DYRK2: variants seen among roughly 807,000 people sequenced by gnomAD.
The protein encoded by DYRK2 is dual specificity tyrosine-phosphorylation-regulated kinase 2.
Under a neutral mutation model 41.6 loss-of-function variants are expected in DYRK2, and 12 were observed. The observed-to-expected ratio is 0.29, with a 90% CI of 0.18 to 0.47. DYRK2 has a LOEUF of 0.47. DYRK2 is among the 20% of genes least tolerant of loss of function. DYRK2 has a pLI of 1.00. For synonymous variants in DYRK2, 322 were observed against 315.7 expected, an observed-to-expected ratio of 1.02 and a Z score of -0.21; for missense variants, 678 against 798.4, an observed-to-expected ratio of 0.85 and a Z score of 1.82.
chr12:67,663,674 G>T lies in DYRK2; in HGVS notation c.*4961G>T, dbSNP rs1872679358. ...ATTATGTACAAAATTGAAAATTGGT[G>T]CTAAAGTGGCAATGTCAATTTAAAA... is the stretch of plus-strand genomic sequence containing the variant. On this transcript the variant is annotated 3_prime_UTR_variant, in exon 3 of 3. Coordinates refer to ENST00000344096, the MANE Select transcript of DYRK2 (RefSeq NM_006482.3). 6.6e-6 allele frequency: 1 copy of T among 152,166 alleles called. No individual in the cohort carries two copies. Among genetic ancestry groups the T allele is most frequent in the South Asian group, 2.1e-4 (1 of 4,828 alleles). 9.4% of individuals were successfully genotyped at this position (152,166 alleles called of 1,614,324 possible).
chr12:67,649,184 TA>T lies in DYRK2; in HGVS notation c.49+4del. The T allele has an allele frequency of 6.7e-7, 1 of 1,501,922 alleles. No individual in the cohort carries two copies. The highest frequency in any genetic ancestry group is 8.9e-7 in the Non-Finnish European group (1 of 1,119,994). The allele number at this position is 1,501,922 out of a possible 1,614,324, so 93.0% of individuals were successfully genotyped here. ...CCGCTCCCGCCGCCTACCCGACCGG[TA>T]AGGAGGCCGTGCCGCCGCGCCGCAT... is the stretch of plus-strand genomic sequence containing the variant. On this transcript the variant is annotated splice_donor_region_variant and intron_variant, in intron 1 of 2. Transcript: ENST00000344096.
chr12:67,650,977 C>A (rs1014564475), intron 2 of DYRK2, among the ~76,000 whole-genome samples: 1 of 152,188 alleles, frequency 6.6e-6, no homozygotes, highest in Non-Finnish European at 1.5e-5. Flanking sequence ...TATGGGGAAA[C>A]TTGTTTGTCA....
At position 67,657,811 on chromosome 12, in the gene DYRK2, G is replaced by C. The variant is rs758682432; in HGVS notation, c.904G>C (p.Glu302Gln). ...TFRNHICMTF[E>Q]LLSMNLYELI... is the part of the protein sequence containing the mutation. ...CCGCAACCACATCTGCATGACGTTT[G>C]AGCTGCTGAGCATGAACCTCTATGA... The change falls in exon 3 of 3, where the codon GAG becomes CAG. Residue 302 changes from glutamate to glutamine, a missense_variant. This residue lies in a region of DYRK2 where 393 missense variants were observed against 519.1 expected (regional missense o/e 0.76). Coordinates refer to ENST00000344096, the MANE Select transcript of DYRK2 (RefSeq NM_006482.3). This position sits in a 1 kb window ranked among gnomAD's most constrained non-coding sequence, Gnocchi z 4.8. 2.5e-6 allele frequency: 4 copies of C among 1,614,208 alleles called. No homozygotes were observed. The highest frequency in any genetic ancestry group is 3.4e-6 in the Non-Finnish European group (4 of 1,180,042).
chr12:67,659,971 T>C lies in DYRK2; in HGVS notation c.*1258T>C, dbSNP rs1872579857. 6.0e-6 allele frequency: 1 copy of C among 167,088 alleles called. No homozygotes were observed. Among genetic ancestry groups the C allele is most frequent in the Non-Finnish European group, 1.5e-5 (1 of 68,106 alleles). 10.4% of individuals were successfully genotyped at this position (167,088 alleles called of 1,614,324 possible). A position where few individuals can be genotyped will look rare whatever the true frequency, so the allele number is the denominator to read the frequency against. On this transcript the variant is annotated 3_prime_UTR_variant, in exon 3 of 3. Coordinates refer to ENST00000344096, the MANE Select transcript of DYRK2 (RefSeq NM_006482.3). The stretch of plus-strand genomic sequence containing the variant: ...TCCTCTATTTTATTTTACTTTCTTT[T>C]GGATTGCACTGATTGTTTTTGTGGG...
In DYRK2 at chr12:67,660,136, C is replaced by T. The variant is rs950946438; in HGVS notation, c.*1423C>T. 3.0e-5 allele frequency: 5 copies of T among 166,660 alleles called. No individual in the cohort carries two copies. Among genetic ancestry groups the T allele is most frequent in the East Asian group, 1.9e-4 (1 of 5,196 alleles). 10.3% of individuals were successfully genotyped at this position (166,660 alleles called of 1,614,324 possible). A position where few individuals can be genotyped will look rare whatever the true frequency, so the allele number is the denominator to read the frequency against. On this transcript the variant is annotated 3_prime_UTR_variant, in exon 3 of 3. Transcript: ENST00000344096. ...AATGATCTATATCAATTTCAAGGCA[C>T]GTGAAAAAAATTTTTTAGTATGTGC...
At chr12:67,654,331 G>A (rs1420180285) in intron 2 of DYRK2, among the ~76,000 whole-genome samples, 1 of 152,208 alleles carries the variant, frequency 6.6e-6, no homozygotes, top group East Asian at 1.9e-4. Flanking sequence ...TTAGAGCCTT[G>A]TGTTCTTACT....
chr12:67,649,627 TG>T, intron 1 of DYRK2, 169 bp from the exon 2 acceptor site: 1 of 750,030 alleles, frequency 1.3e-6, no homozygotes, highest in Non-Finnish European at 1.8e-6. Context: ...GCCCCGCCCG[TG>T]GGTGTGCGCT....
chr12:67,651,010 G>A (rs1166770098), intron 2 of DYRK2, among the ~76,000 whole-genome samples: 1 of 152,220 alleles, frequency 6.6e-6, no homozygotes, highest in African/African-American at 2.4e-5. Context: ...GGGATGTCTA[G>A]ACTGTAGTTG....
Position 67,663,113 on chromosome 12 carries a change from C to G in DYRK2, c.*4400C>G, listed in dbSNP as rs575111682. Reference sequence around the variant, plus strand: ...TTCTGGTAAATTATTCTAATGTGCTCTAACCAGTTCCACCCAATGTTTTTT... The same window carrying G: ...TTCTGGTAAATTATTCTAATGTGCTGTAACCAGTTCCACCCAATGTTTTTT... On this transcript the variant is annotated 3_prime_UTR_variant, in exon 3 of 3. Transcript: ENST00000344096. The G allele has an allele frequency of 1.3e-5, 2 of 152,122 alleles. No homozygotes were observed. The highest frequency in any genetic ancestry group is 4.8e-5 in the African/African-American group (2 of 41,500). 9.4% of individuals were successfully genotyped at this position (152,122 alleles called of 1,614,324 possible).
chr12:67,649,846 C>T lies in DYRK2; in HGVS notation c.99C>T (p.Leu33=), dbSNP rs779382386. The T allele has an allele frequency of 1.2e-5, 16 of 1,330,864 alleles. No homozygotes were observed. Among genetic ancestry groups the T allele is most frequent in the Admixed American group, 3.1e-5 (1 of 32,762 alleles). The allele number at this position is 1,330,864 out of a possible 1,614,324, so 82.4% of individuals were successfully genotyped here. Reference sequence around the variant, plus strand: ...GTCAGCTTCAGGCTTCCCCGGGGCTCGGTGCAGGGGCCACCCGGAGCGGAG... The same window carrying T: ...GTCAGCTTCAGGCTTCCCCGGGGCTTGGTGCAGGGGCCACCCGGAGCGGAG... The part of the protein sequence containing the change: ...AVRQLQASPG[L]GAGATRSGVG... The change falls in exon 2 of 3, where the codon CTC becomes CTT. Residue 33 remains leucine, a synonymous_variant. Coordinates refer to ENST00000344096, the MANE Select transcript of DYRK2 (RefSeq NM_006482.3).
intron 1 of DYRK2, among the ~76,000 whole-genome samples, chr12:67,649,450 G>T (rs952748024): frequency 2.0e-4 from 31 of 151,624 alleles, no homozygotes; most frequent in Non-Finnish European, 3.5e-4. Flanking sequence ...CCCGCCCTGC[G>T]CTGCCCGGGG....
chr12:67,653,286 C>G (rs1193524002), intron 2 of DYRK2, among the ~76,000 whole-genome samples: 6 of 152,152 alleles, frequency 3.9e-5, no homozygotes, highest in African/African-American at 1.2e-4. Flanking sequence ...TGGAAATGTT[C>G]TGGCATTTCT....
intron 2 of DYRK2, among the ~76,000 whole-genome samples, chr12:67,655,699 C>T (rs187206768): frequency 6.2e-4 from 94 of 152,282 alleles, no homozygotes; most frequent in African/African-American, 2.0e-3. Flanking sequence ...GCTCACACTC[C>T]ACATAGTCAT....
Position 67,663,431 on chromosome 12 carries a change from CAA to C in DYRK2, c.*4719_*4720del, listed in dbSNP as rs957619165. 6.6e-6 allele frequency: 1 copy of C among 152,058 alleles called. No homozygotes were observed. Among genetic ancestry groups the C allele is most frequent in the Admixed American group, 6.6e-5 (1 of 15,258 alleles). 9.4% of individuals were successfully genotyped at this position (152,058 alleles called of 1,614,324 possible). A position where few individuals can be genotyped will look rare whatever the true frequency, so the allele number is the denominator to read the frequency against. On this transcript the variant is annotated 3_prime_UTR_variant, in exon 3 of 3. Coordinates refer to ENST00000344096, the MANE Select transcript of DYRK2 (RefSeq NM_006482.3). ...TTATTTCCCTTCTGTTACCAACAGC[CAA>C]GGAATTACTTAGTGTGGCTCCCTGC...
At position 67,649,115 on chromosome 12, in the gene DYRK2, AT is replaced by A. The variant is rs1475277700; in HGVS notation, c.-15del. On this transcript the variant is annotated 5_prime_UTR_variant, in exon 1 of 3. Transcript: ENST00000344096. Reference sequence around the variant, plus strand: ...GGCGGCGACGGCAGCCCTGAAATGCATTTTCCTCTCCAGCGGCCATGTTAAC... The same window carrying A: ...GGCGGCGACGGCAGCCCTGAAATGCATTTCCTCTCCAGCGGCCATGTTAAC... The A allele has an allele frequency of 2.0e-6, 3 of 1,507,044 alleles. No homozygotes were observed. The highest frequency in any genetic ancestry group is 1.2e-5 in the South Asian group (1 of 81,056). 93.4% of individuals were successfully genotyped at this position (1,507,044 alleles called of 1,614,324 possible).
At chr12:67,652,900 G>T (rs1004008983) in intron 2 of DYRK2, among the ~76,000 whole-genome samples, 1 of 152,156 alleles carries the variant, frequency 6.6e-6, no homozygotes, top group East Asian at 1.9e-4. Context: ...CTCCATCTCG[G>T]CTCACTGCAA....
At position 67,657,612 on chromosome 12, in the gene DYRK2, G is replaced by T; in HGVS notation, c.705G>T (p.Gln235His). The stretch of plus-strand genomic sequence containing the variant: ...TCATTGGGAAGGGGAGCTTTGGGCA[G>T]GTGGTCAAGGCCTACGATCACAAAG... ...LKVIGKGSFG[Q>H]VVKAYDHKVH... The change falls in exon 3 of 3, where the codon CAG becomes CAT. Residue 235 changes from glutamine (Q) to histidine (H), a missense_variant. Gln to His is a conservative substitution (Grantham distance 24). Coordinates refer to ENST00000344096, the MANE Select transcript of DYRK2 (RefSeq NM_006482.3). This position sits in a 1 kb window ranked among gnomAD's most constrained non-coding sequence, Gnocchi z 4.8. 6.2e-7 allele frequency: 1 copy of T among 1,613,946 alleles called. No individual in the cohort carries two copies. Among genetic ancestry groups the T allele is most frequent in the Non-Finnish European group, 8.5e-7 (1 of 1,180,042 alleles).
intron 2 of DYRK2, among the ~76,000 whole-genome samples, chr12:67,655,048 A>G (rs1238137592): frequency 6.6e-6 from 1 of 152,196 alleles, no homozygotes; most frequent in East Asian, 1.9e-4. Context: ...TTGGAGATAT[A>G]GAAGATGGTC....
chr12:67,657,147 C>T lies in DYRK2; in HGVS notation c.240C>T (p.Val80=), dbSNP rs528905325. Residue 80 remains valine (V), a synonymous_variant, in exon 3 of 3, where the codon GTC becomes GTT. Transcript: ENST00000344096. This position sits in a 1 kb window ranked among gnomAD's most constrained non-coding sequence, Gnocchi z 4.8. ...ACACAATGAATGATCACCTGCATGT[C>T]GGCAGCCACGCTCACGGACAGATCC... ...SKHTMNDHLH[V]GSHAHGQIQV... 1.1e-5 allele frequency: 17 copies of T among 1,586,684 alleles called. No homozygotes were observed. The highest frequency in any genetic ancestry group is 9.0e-5 in the East Asian group (4 of 44,534).
Sources: gnomAD v4.1 joint callset for allele counts (sites outside exome capture counted in the v4.1 genomes callset) on GRCh38, gnomAD v4.1.1 for gene constraint, gnomAD v4.1.1 regional missense constraint, Gnocchi (gnomAD v3.1) non-coding constraint, MANE v1.5 for transcripts, NCBI Gene and HGNC (gene_info 2026-07-23, HGNC 2026-07-21) for gene names.